The following WASF3 variants were observed in gnomAD, a reference collection of about 807,000 sequenced individuals.
WASF3 encodes the protein actin-binding protein WASF3.
Under a neutral mutation model 46.6 loss-of-function variants are expected in WASF3, and 11 were observed. That is an observed-to-expected ratio of 0.24 (90% CI 0.15 to 0.39). The LOEUF is 0.39. WASF3 is among the 10% of genes least tolerant of loss of function. The pLI is 1.00. For synonymous variants in WASF3, 242 were observed against 259.7 expected (o/e 0.93, Z 0.65); for missense variants, 576 against 669.8 (o/e 0.86, Z 1.55).
chr13:26,585,606 T>C (rs187271381), intron 1 of WASF3, among the ~76,000 whole-genome samples: 130 of 152,318 alleles, frequency 8.5e-4, no homozygotes, highest in African/African-American at 3.0e-3. Context: ...CATCTCAGGT[T>C]TGGCATAATG....
intron 2 of WASF3, among the ~76,000 whole-genome samples, chr13:26,613,565 C>G (rs1259339762): frequency 6.6e-6 from 1 of 152,048 alleles, no homozygotes; most frequent in South Asian, 2.1e-4. Flanking sequence ...GTCAGGAGAT[C>G]GCGACCATCC....
At chr13:26,587,387 A>G (rs1880163144) in intron 1 of WASF3, among the ~76,000 whole-genome samples, 1 of 151,912 alleles carries the variant, frequency 6.6e-6, no homozygotes, top group African/African-American at 2.4e-5. Context: ...CAGTGGAGGG[A>G]AACTACAGAA....
intron 2 of WASF3, among the ~76,000 whole-genome samples, chr13:26,624,344 A>G (rs1229788853): frequency 1.3e-5 from 2 of 152,208 alleles, no homozygotes; most frequent in African/African-American, 2.4e-5. Context: ...TGAGAAAATA[A>G]TGAAAGCTAA....
intron 7 of WASF3, chr13:26,680,261 T>C: frequency 6.7e-7 from 1 of 1,501,804 alleles, no homozygotes; most frequent in Non-Finnish European, 8.8e-7. Flanking sequence ...TCTGCCGCCA[T>C]GAGAGGATGT....
chr13:26,554,064 C>T (rs1416670770), upstream of WASF3, among the ~76,000 whole-genome samples: 17 of 84,734 alleles, frequency 2.0e-4, 1 homozygote, highest in African/African-American at 6.2e-4. Flanking sequence ...TCCTTCCTTC[C>T]TTCCTTCCTT....
chr13:26,677,625 G>A (rs1222888152), intron 7 of WASF3, among the ~76,000 whole-genome samples: 1 of 152,140 alleles, frequency 6.6e-6, no homozygotes, highest in Non-Finnish European at 1.5e-5. Flanking sequence ...AGGTCTATAA[G>A]TCATTGGGAG....
Position 26,679,841 on chromosome 13 carries a change from G to A in WASF3, c.717-1213G>A, listed in dbSNP as rs1257659176. On this transcript the variant is annotated intron_variant, in intron 7 of 9. Transcript: ENST00000335327. This position sits in a 1 kb window ranked among gnomAD's most constrained non-coding sequence, Gnocchi z 4.8. ...CAATTAGGGAAGAAAATAATGAGTAGTTATTAGTTGTTACACTTCAATTAA... is the reference window on the plus strand; with the variant it reads ...CAATTAGGGAAGAAAATAATGAGTAATTATTAGTTGTTACACTTCAATTAA... Among the ~76,000 whole-genome samples the A allele has an allele frequency of 6.6e-6, 1 of 152,158 alleles. No homozygotes were observed. The highest frequency in any genetic ancestry group is 1.5e-5 in the Non-Finnish European group (1 of 68,022).
chr13:26,633,528 G>A (rs1441939475), intron 2 of WASF3, among the ~76,000 whole-genome samples: 2 of 152,022 alleles, frequency 1.3e-5, no homozygotes, highest in Admixed American at 6.5e-5. Flanking sequence ...CTTGCCTTCT[G>A]CTAGCATTTG....
chr13:26,548,494 T>C, the WASF3 span, among the ~76,000 whole-genome samples: 3 of 152,162 alleles, frequency 2.0e-5, no homozygotes, highest in Non-Finnish European at 2.9e-5. Flanking sequence ...GCCTCCTTTC[T>C]CCTCTCCAAC....
At position 26,681,342 on chromosome 13, in the gene WASF3, C is replaced by G. The variant is rs764331712; in HGVS notation, c.983+22C>G. The G allele has an allele frequency of 6.5e-6, 10 of 1,542,206 alleles. No homozygotes were observed. In the South Asian group the frequency reaches 1.1e-4, roughly 17 times the overall value. ...ACGGGTAACTCAGCATGCCTTGTAC[C>G]CTAATCCCTCCTGGCCTTGCATTTG... On this transcript the variant is annotated intron_variant, in intron 8 of 9. Coordinates refer to ENST00000335327, the MANE Select transcript of WASF3 (RefSeq NM_006646.6).
At chr13:26,597,214 C>T (rs568971563) in intron 1 of WASF3, among the ~76,000 whole-genome samples, 1 of 152,344 alleles carries the variant, frequency 6.6e-6, no homozygotes, top group East Asian at 1.9e-4. Context: ...CCCACTGCAA[C>T]CTCTGCCTCC....
intron 1 of WASF3, among the ~76,000 whole-genome samples, chr13:26,605,140 G>A (rs1363021176): frequency 6.6e-6 from 1 of 152,082 alleles, no homozygotes; most frequent in Non-Finnish European, 1.5e-5. Flanking sequence ...CTGCCTTTGA[G>A]TATTGCTAAA....
At chr13:26,608,309 A>G (rs1317743780) in intron 1 of WASF3, among the ~76,000 whole-genome samples, 3 of 152,186 alleles carry the variant, frequency 2.0e-5, no homozygotes, top group African/African-American at 7.2e-5. Context: ...TGTGGTAAGT[A>G]ATTTTTGAGT....
At chr13:26,626,778 C>G (rs1035016144) in intron 2 of WASF3, among the ~76,000 whole-genome samples, 1 of 152,168 alleles carries the variant, frequency 6.6e-6, no homozygotes, top group African/African-American at 2.4e-5. Context: ...TGGGACATTA[C>G]ATAATGATAA....
At chr13:26,605,808 T>G (rs971711374) in intron 1 of WASF3, among the ~76,000 whole-genome samples, 27 of 152,214 alleles carry the variant, frequency 1.8e-4, no homozygotes, top group African/African-American at 5.5e-4. Context: ...ACCTCTAAAT[T>G]TTTTTATTTC....
At chr13:26,675,547 T>C (rs866885895) in intron 6 of WASF3, among the ~76,000 whole-genome samples, 3 of 151,708 alleles carry the variant, frequency 2.0e-5, no homozygotes, top group Admixed American at 6.6e-5. Context: ...CATAAAAATA[T>C]ATTTGTGAAA....
At chr13:26,624,982 A>G (rs955625555) in intron 2 of WASF3, among the ~76,000 whole-genome samples, 1 of 152,218 alleles carries the variant, frequency 6.6e-6, no homozygotes, top group African/African-American at 2.4e-5. Context: ...TCTGCACTGT[A>G]AGAAATGAAA....
intron 1 of WASF3, among the ~76,000 whole-genome samples, chr13:26,595,117 A>G (rs1476341846): frequency 2.0e-5 from 3 of 152,244 alleles, no homozygotes; most frequent in Non-Finnish European, 4.4e-5. Flanking sequence ...CTTACCATAA[A>G]GACTTGCAGA....
chr13:26,649,814 C>G (rs1882258999), intron 3 of WASF3, among the ~76,000 whole-genome samples: 1 of 152,120 alleles, frequency 6.6e-6, no homozygotes, highest in African/African-American at 2.4e-5. Context: ...GGCACGGTGG[C>G]TCACACCTGT....
Sources: gnomAD v4.1 joint callset for allele counts (sites outside exome capture counted in the v4.1 genomes callset) on GRCh38, gnomAD v4.1.1 for gene constraint, Gnocchi (gnomAD v3.1) non-coding constraint, MANE v1.5 for transcripts, NCBI Gene and HGNC (gene_info 2026-07-23, HGNC 2026-07-21) for gene names.